Variants in ZNF716 observed in about 807,000 individuals in gnomAD.
ZNF716 encodes zinc finger protein 716.
A neutral mutation model predicts 13.4 loss-of-function variants in ZNF716; 9 were observed. The ratio of observed to expected loss-of-function variants is 0.67; its 90% CI spans 0.41 to 1.18. The LOEUF is 1.18. ZNF716 is among the 50% of genes most tolerant of loss of function. ZNF716 has a pLI of 0.01. For missense variants in ZNF716, 581 were observed against 576.6 expected (o/e 1.01, Z -0.08); for synonymous variants, 186 against 195.2 (o/e 0.95, Z 0.39).
chr7:57,457,710 A>G (rs1789628538), intron 1 of ZNF716, among the ~76,000 whole-genome samples: 1 of 152,070 alleles, frequency 6.6e-6, no homozygotes, highest in African/African-American at 2.4e-5. Context: ...TGTATAGGTA[A>G]AATCATATCA....
chr7:57,462,286 T>G (rs1436824500), intron 1 of ZNF716, 174 bp from the exon 2 acceptor site: 1 of 701,566 alleles, frequency 1.4e-6, no homozygotes, highest in Non-Finnish European at 2.5e-6. Flanking sequence ...TAGAGAATAC[T>G]TCCATGTTAA....
chr7:57,466,788 T>C (rs1422471838), intron 3 of ZNF716, among the ~76,000 whole-genome samples: 1 of 152,042 alleles, frequency 6.6e-6, no homozygotes, highest in Non-Finnish European at 1.5e-5. Flanking sequence ...TTTATTTGAA[T>C]TTTTTTGTTG....
chr7:57,470,017 A>C lies in ZNF716; in HGVS notation c.*68A>C, dbSNP rs1222044376. On this transcript the variant is annotated 3_prime_UTR_variant, in exon 4 of 4. Transcript: ENST00000420713. ...ATTTATACTGGAAAAAATCACTACA[A>C]GTGTGGAGAATGTGGCCAATTCTTT... The C allele has an allele frequency of 1.4e-6, 2 of 1,412,792 alleles. No individual in the cohort carries two copies. The highest frequency in any genetic ancestry group is 2.5e-5 in the East Asian group (1 of 40,112). The allele number at this position is 1,412,792 out of a possible 1,614,324, so 87.5% of individuals were successfully genotyped here. A position where few individuals can be genotyped will look rare whatever the true frequency, so the allele number is the denominator to read the frequency against.
rs1165102920 is a variant in ZNF716 at position 57,473,371 on chromosome 7, T to C, written c.*3422T>C. ...CCATCTCTACTAAAAATACAAAAAA[T>C]TAGCTGGGCATGGTGGTGCATGCCC... On this transcript the variant is annotated 3_prime_UTR_variant, in exon 4 of 4. Transcript: ENST00000420713. The C allele has an allele frequency of 4.0e-5, 6 of 151,884 alleles. No individual in the cohort carries two copies. The highest frequency in any genetic ancestry group is 3.9e-4 in the Admixed American group (6 of 15,228). The allele number at this position is 151,884 out of a possible 1,614,324, so 9.4% of individuals were successfully genotyped here.
intron 1 of ZNF716, among the ~76,000 whole-genome samples, chr7:57,461,508 C>A (rs188374599): frequency 1.6e-4 from 24 of 152,224 alleles, no homozygotes; most frequent in African/African-American, 5.8e-4. Flanking sequence ...GTACATAAAC[C>A]ATCACATTTA....
At chr7:57,455,977 A>G (rs528546439) in intron 1 of ZNF716, among the ~76,000 whole-genome samples, 1 of 148,814 alleles carries the variant, frequency 6.7e-6, no homozygotes, top group South Asian at 2.1e-4. Context: ...GTTTTTTGAG[A>G]TGGAGTCTCA....
rs190100338 is a variant in ZNF716 at position 57,459,092 on chromosome 7, C to T, written c.40-3368C>T. Among the ~76,000 whole-genome samples, 317 of 152,254 alleles carry T rather than the reference C, an allele frequency of 2.1e-3. 1 individual carries two copies. Among genetic ancestry groups the T allele is most frequent in the Non-Finnish European group, 3.6e-3 (245 of 68,006 alleles). On this transcript the variant is annotated intron_variant, in intron 1 of 3. Coordinates refer to ENST00000420713, the MANE Select transcript of ZNF716 (RefSeq NM_001159279.1). ...CAATTTTTATGTAATTGTATCATTT[C>T]ACATGTTTTTTGTATTGAATTATCC...
Position 57,469,872 on chromosome 7 carries a change from C to A in ZNF716, c.1411C>A (p.Gln471Lys). ...EKPYKCEECD[Q>K]TFKWHSSLAN... ...ACCCTACAAATGTGAAGAATGTGAC[C>A]AAACTTTTAAGTGGCATTCAAGTCT... The change falls in exon 4 of 4, where the codon CAA (glutamine) becomes AAA (lysine). Residue 471 changes from glutamine to lysine, a missense_variant. By Grantham distance (53) the Gln-to-Lys change is moderately conservative (BLOSUM62 1). Coordinates refer to ENST00000420713, the MANE Select transcript of ZNF716 (RefSeq NM_001159279.1). 1 of 1,598,522 alleles carries A rather than the reference C, an allele frequency of 6.3e-7. No individual in the cohort carries two copies. Among genetic ancestry groups the A allele is most frequent in the Non-Finnish European group, 8.5e-7 (1 of 1,171,816 alleles).
At chr7:57,455,728 G>C (rs572958388) in intron 1 of ZNF716, among the ~76,000 whole-genome samples, 11 of 152,126 alleles carry the variant, frequency 7.2e-5, no homozygotes, top group African/African-American at 2.6e-4. Context: ...ATGTTGGCCA[G>C]GTTGGTCTCA....
Position 57,469,230 on chromosome 7 carries a change from A to C in ZNF716, c.769A>C (p.Thr257Pro). Residue 257 changes from threonine to proline, a missense_variant, in exon 4 of 4, where the codon ACT becomes CCT. Physicochemically the swap from Thr to Pro is conservative, Grantham distance 38. Transcript: ENST00000420713. Reference sequence around the variant, plus strand: ...AGCTTTTAGCTGGTCTGCATCCCTTACTAAACATAAGAGAATTCATACTGG... The same window carrying C: ...AGCTTTTAGCTGGTCTGCATCCCTTCCTAAACATAAGAGAATTCATACTGG... Reference protein sequence around the residue: ...GKAFSWSASLTKHKRIHTGEK... With the variant: ...GKAFSWSASLPKHKRIHTGEK... 6 of 1,612,750 alleles carry C rather than the reference A, an allele frequency of 3.7e-6. No individual in the cohort carries two copies. The highest frequency in any genetic ancestry group is 5.1e-6 in the Non-Finnish European group (6 of 1,179,340).
Position 57,465,972 on chromosome 7 carries a change from G to T in ZNF716, c.263-2752G>T, listed in dbSNP as rs187446861. Among the ~76,000 whole-genome samples, 1,061 of 151,930 alleles carry T rather than the reference G, an allele frequency of 7.0e-3. 15 individuals carry two copies. Among genetic ancestry groups the T allele is most frequent in the African/African-American group, 0.025 (1,023 of 41,402 alleles). On this transcript the variant is annotated intron_variant, in intron 3 of 3. Transcript: ENST00000420713. ...ACACCACATATTCTCACTTGTAGGTGGGAATTGAACAATGAGAACACATGG... is the reference window on the plus strand; with the variant it reads ...ACACCACATATTCTCACTTGTAGGTTGGAATTGAACAATGAGAACACATGG...
intron 1 of ZNF716, among the ~76,000 whole-genome samples, chr7:57,455,259 T>C (rs1789564699): frequency 6.6e-6 from 1 of 152,142 alleles, no homozygotes. Flanking sequence ...AAAATGGGGT[T>C]GTATGTTGGC....
Position 57,462,159 on chromosome 7 carries a change from T to TAA in ZNF716, c.40-287_40-286dup, listed in dbSNP as rs35458423. Among the ~76,000 whole-genome samples, 333 of 143,178 alleles carry TAA rather than the reference T, an allele frequency of 2.3e-3. 2 individuals carry two copies. Among genetic ancestry groups the TAA allele is most frequent in the African/African-American group, 7.3e-3 (285 of 38,782 alleles). 93.9% of individuals were successfully genotyped at this position (143,178 alleles called of 152,430 possible). A position where few individuals can be genotyped will look rare whatever the true frequency, so the allele number is the denominator to read the frequency against. On this transcript the variant is annotated intron_variant, in intron 1 of 3. Transcript: ENST00000420713. ...CTGGGCAACAGAGTGAGCCTCGGTT[T>TAA]AAAAAAAAAAAAAAAGACATGTCCA...
Position 57,469,656 on chromosome 7 carries a change from A to C in ZNF716, c.1195A>C (p.Lys399Gln). The C allele has an allele frequency of 6.3e-7, 1 of 1,588,418 alleles. No homozygotes were observed. Among genetic ancestry groups the C allele is most frequent in the Non-Finnish European group, 8.6e-7 (1 of 1,164,078 alleles). Reference sequence around the variant, plus strand: ...CTTACCCTCAACCTTCACTTACCACAAGAGAACTCATACTGGAGAGAAACC... The same window carrying C: ...CTTACCCTCAACCTTCACTTACCACCAGAGAACTCATACTGGAGAGAAACC... ...FSLPSTFTYHKRTHTGEKPYK... is the reference protein window; with the variant it reads ...FSLPSTFTYHQRTHTGEKPYK... Residue 399 changes from lysine (K) to glutamine (Q), a missense_variant, in exon 4 of 4, where the codon AAG becomes CAG. Coordinates refer to ENST00000420713, the MANE Select transcript of ZNF716 (RefSeq NM_001159279.1).
chr7:57,454,258 G>T (rs147858060), intron 1 of ZNF716, among the ~76,000 whole-genome samples: 419 of 152,356 alleles, frequency 2.8e-3, no homozygotes, highest in African/African-American at 8.5e-3. Context: ...AATGATATGT[G>T]TATTGTCTGA....
At chr7:57,467,045 A>G (rs1325151567) in intron 3 of ZNF716, among the ~76,000 whole-genome samples, 4 of 151,406 alleles carry the variant, frequency 2.6e-5, no homozygotes, top group Non-Finnish European at 5.9e-5. Context: ...TTGTGTGTCT[A>G]TAAAGATTTT....
At chr7:57,463,821 C>A (rs1297051213) in intron 3 of ZNF716, among the ~76,000 whole-genome samples, 1 of 151,952 alleles carries the variant, frequency 6.6e-6, no homozygotes, top group Non-Finnish European at 1.5e-5. Flanking sequence ...ATGATAATTT[C>A]ATTTTTAATT....
chr7:57,460,551 A>T (rs539246405), intron 1 of ZNF716, among the ~76,000 whole-genome samples: 1 of 152,132 alleles, frequency 6.6e-6, no homozygotes, highest in African/African-American at 2.4e-5. Context: ...GTTCTGAAAA[A>T]AATATTTTTT....
At position 57,470,087 on chromosome 7, in the gene ZNF716, A is replaced by T. The variant is rs1789901199; in HGVS notation, c.*138A>T. The T allele has an allele frequency of 1.2e-6, 1 of 836,306 alleles. No individual in the cohort carries two copies. The highest frequency in any genetic ancestry group is 1.7e-5 in the African/African-American group (1 of 57,840). The allele number at this position is 836,306 out of a possible 1,614,324, so 51.8% of individuals were successfully genotyped here. ...CTGTCCATAAGATAATTCATATTGG[A>T]CAAAAGTCTTATAAATGTAAAAAAA... is the stretch of plus-strand genomic sequence containing the variant. On this transcript the variant is annotated 3_prime_UTR_variant, in exon 4 of 4. Transcript: ENST00000420713.
Sources: allele counts gnomAD v4.1 joint callset (sites outside exome capture counted in the v4.1 genomes callset), GRCh38; gene constraint gnomAD v4.1.1; transcripts MANE v1.5; gene names NCBI Gene and HGNC (gene_info 2026-07-23, HGNC 2026-07-21).